The following BLVRB variants were observed in gnomAD, a reference collection of about 807,000 sequenced individuals.
The protein encoded by BLVRB is biliverdin reductase B.
In BLVRB, 25 loss-of-function variants were observed where a neutral mutation model predicts 21.1. The ratio of observed to expected loss-of-function variants is 1.19; its 90% CI spans 0.86 to 1.66. The LOEUF (loss-of-function observed/expected upper bound fraction) is 1.66, where lower values mean the gene tolerates loss of function less well. Ranked by LOEUF, BLVRB falls within the 40% of genes most tolerant of loss-of-function variation. BLVRB has a pLI of 0.00. For synonymous variants in BLVRB, 128 were observed against 122.2 expected (o/e 1.05, Z -0.31); for missense variants, 274 against 282.7 (o/e 0.97, Z 0.22).
intron 4 of BLVRB, among the ~76,000 whole-genome samples, chr19:40,448,608 A>AATATAT (rs55783717): frequency 0.01 from 1,320 of 126,136 alleles, 10 homozygotes; most frequent in Middle Eastern, 0.023. Context: ...AACAACAACA[A>AATATAT]ATATATATAT....
chr19:40,459,882 T>C (rs1379499828), intron 1 of BLVRB, among the ~76,000 whole-genome samples: 1 of 152,178 alleles, frequency 6.6e-6, no homozygotes, highest in East Asian at 1.9e-4. Flanking sequence ...GCAACTTCCC[T>C]ACCCTCTAAC....
intron 1 of BLVRB, among the ~76,000 whole-genome samples, chr19:40,460,398 C>T (rs2079782085): frequency 6.7e-6 from 1 of 149,972 alleles, no homozygotes; most frequent in Non-Finnish European, 1.5e-5. Context: ...GAGGCCAAGA[C>T]AGGAAGATTG....
chr19:40,461,003 C>A (rs1447558916), intron 1 of BLVRB, among the ~76,000 whole-genome samples: 1 of 149,730 alleles, frequency 6.7e-6, no homozygotes, highest in African/African-American at 2.5e-5. Context: ...AAACAAACAA[C>A]AACAACAACA....
intron 1 of BLVRB, 146 bp downstream of exon 1, chr19:40,465,464 G>C (rs2079808352): frequency 3.2e-6 from 3 of 948,544 alleles, no homozygotes; most frequent in Non-Finnish European, 4.8e-6. Flanking sequence ...TTCTGCCCCC[G>C]TGGCCACTTG....
chr19:40,451,929 T>C (rs918432693), intron 3 of BLVRB, among the ~76,000 whole-genome samples: 3 of 152,252 alleles, frequency 2.0e-5, no homozygotes, highest in African/African-American at 7.2e-5. Context: ...GGCTCCTCTT[T>C]CCCTCACACC....
At chr19:40,452,391 C>T (rs1221496946) in intron 3 of BLVRB, among the ~76,000 whole-genome samples, 1 of 152,146 alleles carries the variant, frequency 6.6e-6, no homozygotes, top group East Asian at 1.9e-4. Flanking sequence ...CGGCTCACTG[C>T]AGCCTTGACT....
At chr19:40,465,533 G>T in intron 1 of BLVRB, 77 bp downstream of exon 1, 1 of 1,530,430 alleles carries the variant, frequency 6.5e-7, no homozygotes, top group East Asian at 2.4e-5. Flanking sequence ...AATCAGCCTC[G>T]GCCCGACCCC....
chr19:40,458,696 T>C, intron 1 of BLVRB, 151 bp from the exon 2 acceptor site: 2 of 1,100,192 alleles, frequency 1.8e-6, no homozygotes, highest in South Asian at 3.4e-5. Context: ...TTTTTCTTTT[T>C]GTTTGTTTTG....
At position 40,465,738 on chromosome 19, in the gene BLVRB, A is replaced by G. The variant is rs1461132018; in HGVS notation, c.-50T>C. ...GCCTCAGAGTCTCGGCACGCGCGGGAACCCACTGGCTGCTGGGCGGTGCTC... is the reference window on the plus strand; with the variant it reads ...GCCTCAGAGTCTCGGCACGCGCGGGGACCCACTGGCTGCTGGGCGGTGCTC... On this transcript the variant is annotated 5_prime_UTR_variant, in exon 1 of 5. Coordinates refer to ENST00000263368, the MANE Select transcript of BLVRB (RefSeq NM_000713.3). 1 of 1,589,158 alleles carries G rather than the reference A, an allele frequency of 6.3e-7. No individual in the cohort carries two copies. Among genetic ancestry groups the G allele is most frequent in the African/African-American group, 1.3e-5 (1 of 74,424 alleles).
At chr19:40,451,270 T>G in intron 4 of BLVRB, 94 bp downstream of exon 4, 1 of 1,526,598 alleles carries the variant, frequency 6.6e-7, no homozygotes, top group Non-Finnish European at 8.8e-7. Context: ...GTTTGCAATT[T>G]TAGGGTGGTC....
chr19:40,460,276 T>TATATATATATA (rs1479336698), intron 1 of BLVRB, among the ~76,000 whole-genome samples: 23 of 99,824 alleles, frequency 2.3e-4, no homozygotes, highest in South Asian at 6.6e-4. Flanking sequence ...ATATATATAT[T>TATATATATATA]TAGAGACAGG....
chr19:40,461,394 T>C (rs373434207), intron 1 of BLVRB, among the ~76,000 whole-genome samples: 3 of 152,156 alleles, frequency 2.0e-5, no homozygotes, highest in Non-Finnish European at 4.4e-5. Context: ...TGAAATGCCC[T>C]GTGATAAAAC....
intron 1 of BLVRB, among the ~76,000 whole-genome samples, chr19:40,460,972 C>CAAACA (rs202183119): frequency 0.12 from 18,377 of 151,456 alleles, 1,164 homozygotes; most frequent in East Asian, 0.19. Context: ...AACTCCGTCT[C>CAAACA]AAACAAAACA....
intron 3 of BLVRB, 42 bp from the exon 4 acceptor site, chr19:40,451,534 C>CTTTTT: frequency 7.5e-7 from 1 of 1,335,564 alleles, no homozygotes; most frequent in South Asian, 1.6e-5. Flanking sequence ...GCTCTCTTGT[C>CTTTTT]TTTTTTTTTT....
intron 3 of BLVRB, chr19:40,457,873 T>G: frequency 2.4e-6 from 1 of 417,480 alleles, no homozygotes; most frequent in Non-Finnish European, 4.1e-6. Context: ...TGTGGCCCTA[T>G]CCCCTCTGCC....
At chr19:40,454,164 G>C (rs1257804271) in intron 3 of BLVRB, among the ~76,000 whole-genome samples, 2 of 152,118 alleles carry the variant, frequency 1.3e-5, no homozygotes, top group Non-Finnish European at 2.9e-5. Context: ...TTGAGCCTAG[G>C]AGTTGGAGGC....
At chr19:40,454,194 A>G (rs2079752611) in intron 3 of BLVRB, among the ~76,000 whole-genome samples, 1 of 152,100 alleles carries the variant, frequency 6.6e-6, no homozygotes, top group South Asian at 2.1e-4. Flanking sequence ...CTATGATGAC[A>G]TCATTCTCAC....
Position 40,458,452 on chromosome 19 carries a change from G to C in BLVRB, c.173C>G (p.Ala58Gly). ...AHVVVGDVLQ[A>G]ADVDKTVAGQ... Reference sequence around the variant, plus strand: ...AGCCACGGTCTTGTCCACATCGGCTGCCTGCAGAACATCTCCCACTACCAC... The same window carrying C: ...AGCCACGGTCTTGTCCACATCGGCTCCCTGCAGAACATCTCCCACTACCAC... The change falls in exon 2 of 5, where the codon GCA becomes GGA. Residue 58 changes from alanine (A) to glycine (G), a missense_variant. Physicochemically the swap from Ala to Gly is moderately conservative, Grantham distance 60. Transcript: ENST00000263368. The C allele has an allele frequency of 1.9e-6, 3 of 1,600,612 alleles. No individual in the cohort carries two copies. Among genetic ancestry groups the C allele is most frequent in the Non-Finnish European group, 2.6e-6 (3 of 1,174,278 alleles).
chr19:40,460,611 A>ATAAAT (rs142941792), intron 1 of BLVRB, among the ~76,000 whole-genome samples: 24,241 of 149,480 alleles, frequency 0.16, 2,385 homozygotes, highest in African/African-American at 0.27. Flanking sequence ...AAATAAATAA[A>ATAAAT]TAAATTAAAT....
Sources: gnomAD v4.1 joint callset for allele counts (sites outside exome capture counted in the v4.1 genomes callset) on GRCh38, gnomAD v4.1.1 for gene constraint, MANE v1.5 for transcripts, NCBI Gene and HGNC (gene_info 2026-07-23, HGNC 2026-07-21) for gene names.